The following NMT2 variants were observed in gnomAD, a reference collection of about 807,000 sequenced individuals.
NMT2 encodes glycylpeptide N-tetradecanoyltransferase 2.
In NMT2, 35 loss-of-function variants were observed where a neutral mutation model predicts 65.4. The ratio of observed to expected loss-of-function variants is 0.54; its 90% CI spans 0.41 to 0.71. The LOEUF (loss-of-function observed/expected upper bound fraction) is 0.71, where lower values mean the gene tolerates loss of function less well. Ranked by LOEUF, NMT2 falls within the 30% of genes least tolerant of loss-of-function variation. NMT2 has a pLI of 0.00. For missense variants in NMT2, 489 were observed against 611.3 expected (o/e 0.80, Z 2.11); for synonymous variants, 226 against 231.8 (o/e 0.98, Z 0.23).
intron 10 of NMT2, among the ~76,000 whole-genome samples, chr10:15,111,338 C>G (rs1845507739): frequency 6.6e-6 from 1 of 151,180 alleles, no homozygotes; most frequent in Non-Finnish European, 1.5e-5. Flanking sequence ...TGATGAAACC[C>G]TGTCTCTACT....
chr10:15,116,108 C>T (rs1378119992), intron 9 of NMT2, among the ~76,000 whole-genome samples: 1 of 152,182 alleles, frequency 6.6e-6, no homozygotes, highest in Non-Finnish European at 1.5e-5. Flanking sequence ...AAGAACACTC[C>T]ACACAACCGT....
Position 15,148,965 on chromosome 10 carries a change from G to A in NMT2, c.111-7408C>T, listed in dbSNP as rs561744401. ...TAAAATCTAAGAATATCAGAAGAAC[G>A]TGAGGAAAGGGAACACTCACATGCT... On this transcript the variant is annotated intron_variant, in intron 1 of 11. Transcript: ENST00000378165. Among the ~76,000 whole-genome samples the A allele has an allele frequency of 4.6e-5, 7 of 152,230 alleles. No homozygotes were observed. The South Asian group carries it at 1.0e-3, about 23-fold the overall frequency.
intron 1 of NMT2, among the ~76,000 whole-genome samples, chr10:15,151,959 G>C (rs1337098661): frequency 6.6e-6 from 1 of 152,264 alleles, no homozygotes; most frequent in African/African-American, 2.4e-5. Flanking sequence ...CTGGGAGGCA[G>C]AGGTTGCAGT....
intron 1 of NMT2, among the ~76,000 whole-genome samples, chr10:15,144,515 A>G (rs773597304): frequency 2.0e-5 from 3 of 152,150 alleles, no homozygotes; most frequent in Non-Finnish European, 4.4e-5. Context: ...GTAGATCATG[A>G]GATCAGGAGA....
At chr10:15,156,221 G>A (rs965385118) in intron 1 of NMT2, among the ~76,000 whole-genome samples, 11 of 152,030 alleles carry the variant, frequency 7.2e-5, no homozygotes, top group Non-Finnish European at 1.6e-4. Flanking sequence ...TCATGGGGGC[G>A]GTTACCCTCA....
chr10:15,112,986 A>T (rs778606368), intron 9 of NMT2, 23 bp from the exon 10 acceptor site: 10 of 1,612,306 alleles, frequency 6.2e-6, no homozygotes, highest in African/African-American at 4.0e-5. Context: ...GTGCTGTCAG[A>T]CAGAGATCTC....
intron 8 of NMT2, among the ~76,000 whole-genome samples, chr10:15,121,394 T>C (rs1407629680): frequency 6.6e-6 from 1 of 151,880 alleles, no homozygotes; most frequent in East Asian, 1.9e-4. Context: ...TGAGACGGAG[T>C]CTCACTCTTG....
chr10:15,161,072 C>T (rs1463065976), intron 1 of NMT2, among the ~76,000 whole-genome samples: 1 of 75,038 alleles, frequency 1.3e-5, no homozygotes, highest in Non-Finnish European at 2.5e-5. Context: ...GAGACTCTGC[C>T]TCAAAAATCA....
At chr10:15,158,464 T>C (rs1453210364) in intron 1 of NMT2, among the ~76,000 whole-genome samples, 1 of 152,194 alleles carries the variant, frequency 6.6e-6, no homozygotes, top group Non-Finnish European at 1.5e-5. Flanking sequence ...AAGAAAAGCC[T>C]TCACATATTC....
intron 1 of NMT2, among the ~76,000 whole-genome samples, chr10:15,144,110 A>G (rs1422314142): frequency 6.6e-6 from 1 of 152,146 alleles, no homozygotes; most frequent in African/African-American, 2.4e-5. Flanking sequence ...CGGTGTTGCT[A>G]AAATTTATAT....
chr10:15,122,127 A>C lies in NMT2; in HGVS notation c.1000-2614T>G, dbSNP rs188803533. On this transcript the variant is annotated intron_variant, in intron 8 of 11. Coordinates refer to ENST00000378165, the MANE Select transcript of NMT2 (RefSeq NM_004808.3). Reference sequence around the variant, plus strand: ...AGGCAGACTTAGCTTGATAAATTTCAAATAGCCTTTCTCAATATCAGAATT... The same window carrying C: ...AGGCAGACTTAGCTTGATAAATTTCCAATAGCCTTTCTCAATATCAGAATT... Among the ~76,000 whole-genome samples the C allele has an allele frequency of 3.4e-3, 520 of 152,326 alleles. 4 individuals are homozygous for C. Among genetic ancestry groups the C allele is most frequent in the African/African-American group, 0.012 (491 of 41,562 alleles).
intron 10 of NMT2, 128 bp from the exon 11 acceptor site, chr10:15,109,967 T>A: frequency 1.4e-6 from 1 of 731,048 alleles, no homozygotes. Context: ...GTCCGTGATA[T>A]ATAGCATAGG....
In NMT2 at chr10:15,133,085, G is replaced by C. The variant is rs1254819832; in HGVS notation, c.570C>G (p.Phe190Leu). 2 of 1,614,054 alleles carry C rather than the reference G, an allele frequency of 1.2e-6. No homozygotes were observed. The highest frequency in any genetic ancestry group is 2.2e-5 in the South Asian group (2 of 91,058). The change falls in exon 5 of 12, where the codon TTC becomes TTG. Residue 190 changes from phenylalanine (F) to leucine (L), a missense_variant. Physicochemically the swap from Phe to Leu is conservative, Grantham distance 22 (BLOSUM62 0). Transcript: ENST00000378165. Reference protein sequence around the residue: ...ENYVEDDDNMFRFDYSPEFLL... With the variant: ...ENYVEDDDNMLRFDYSPEFLL... ...GGAACTCGGGTGAATAGTCAAATCG[G>C]AACATATTGTCATCATCTTCTACGT... is the stretch of plus-strand genomic sequence containing the variant.
intron 8 of NMT2, among the ~76,000 whole-genome samples, chr10:15,122,949 C>G (rs1306966942): frequency 6.6e-6 from 1 of 151,026 alleles, no homozygotes; most frequent in African/African-American, 2.5e-5. Flanking sequence ...AAAAAAATGA[C>G]TGCATAGATT....
chr10:15,165,754 T>C (rs1383200845), intron 1 of NMT2, among the ~76,000 whole-genome samples: 1 of 151,940 alleles, frequency 6.6e-6, no homozygotes, highest in African/African-American at 2.4e-5. Flanking sequence ...GCCACGCGCC[T>C]GTAATCCCAG....
intron 3 of NMT2, among the ~76,000 whole-genome samples, chr10:15,133,795 C>T (rs897648877): frequency 6.6e-6 from 1 of 152,054 alleles, no homozygotes; most frequent in African/African-American, 2.4e-5. Context: ...ATTATGTTGC[C>T]CAAGCTGATC....
intron 2 of NMT2, among the ~76,000 whole-genome samples, chr10:15,139,542 T>C (rs1339307901): frequency 1.3e-5 from 2 of 151,992 alleles, no homozygotes; most frequent in African/African-American, 2.4e-5. Flanking sequence ...AAGCGACATT[T>C]AGAAACGGGA....
intron 3 of NMT2, among the ~76,000 whole-genome samples, chr10:15,133,570 G>A (rs1044720302): frequency 3.3e-5 from 5 of 152,078 alleles, no homozygotes; most frequent in Non-Finnish European, 5.9e-5. Flanking sequence ...AATCATTGCT[G>A]TTTCACCAAT....
chr10:15,131,525 T>C (rs969183183), intron 6 of NMT2, among the ~76,000 whole-genome samples: 1 of 152,148 alleles, frequency 6.6e-6, no homozygotes, highest in African/African-American at 2.4e-5. Flanking sequence ...TCTGATAAGA[T>C]GTTGCTTTGG....
Sources: gnomAD v4.1 joint callset for allele counts (sites outside exome capture counted in the v4.1 genomes callset) on GRCh38, gnomAD v4.1.1 for gene constraint, MANE v1.5 for transcripts, NCBI Gene and HGNC (gene_info 2026-07-23, HGNC 2026-07-21) for gene names.